SHANK1: variants seen among roughly 807,000 people sequenced by gnomAD.
SHANK1 encodes SH3 and multiple ankyrin repeat domains 1.
Under a neutral mutation model 165.6 loss-of-function variants are expected in SHANK1, and 35 were observed. The observed-to-expected ratio is 0.21, with a 90% CI of 0.16 to 0.28. The LOEUF (loss-of-function observed/expected upper bound fraction) is 0.28, where lower values mean the gene tolerates loss of function less well. Among genes scored for constraint, SHANK1 ranks in the 10% least tolerant of loss-of-function variants. The probability of loss-of-function intolerance (pLI) is 1.00; values close to 1 mark genes in which losing one functional copy is unlikely to be tolerated. For missense variants in SHANK1, 2,681 were observed against 3,036.4 expected, an observed-to-expected ratio of 0.88 and a Z score of 2.75; for synonymous variants, 1,428 against 1,384.8, an observed-to-expected ratio of 1.03 and a Z score of -0.69.
intron 8 of SHANK1, among the ~76,000 whole-genome samples, chr19:50,706,088 G>A (rs953137458): frequency 7.3e-5 from 11 of 151,292 alleles, no homozygotes; most frequent in African/African-American, 2.7e-4. Context: ...GAGCCCAAGA[G>A]GTCGAGGCTG....
At chr19:50,707,757 G>A (rs2088956666) in intron 8 of SHANK1, among the ~76,000 whole-genome samples, 1 of 152,042 alleles carries the variant, frequency 6.6e-6, no homozygotes, top group South Asian at 2.1e-4. Context: ...TCGGGCAGCA[G>A]AGTTAGCCCA....
At chr19:50,674,774 A>T (rs7259859) in intron 21 of SHANK1, among the ~76,000 whole-genome samples, 8,881 of 152,068 alleles carry the variant, frequency 0.058, 855 homozygotes, top group African/African-American at 0.2. Context: ...TAAAAATTAC[A>T]AAAATTGCTG....
In SHANK1 at chr19:50,716,766, C is replaced by G; in HGVS notation, c.154G>C (p.Ala52Pro). Residue 52 changes from alanine to proline, a missense_variant, in exon 2 of 24, where the codon GCC becomes CCC. Around this residue, in one of 10 missense-constraint regions of SHANK1, gnomAD observed 118 missense variants for 106.9 expected, o/e 1.10. Coordinates refer to ENST00000293441, the MANE Select transcript of SHANK1 (RefSeq NM_016148.5). This position sits in a 1 kb window ranked among gnomAD's most constrained non-coding sequence, Gnocchi z 8.4. ...CGGCCCTGGAGGCCTCTAACAGAGG[C>G]CAGGCTACCAGGTGCCCCACTGCCC... ...GQGSGAPGSLASVRGLQGRSM... is the reference protein window; with the variant it reads ...GQGSGAPGSLPSVRGLQGRSM... The G allele has an allele frequency of 6.2e-7, 1 of 1,608,040 alleles. No individual in the cohort carries two copies.
At chr19:50,710,757 G>T (rs1232017730) in intron 8 of SHANK1, among the ~76,000 whole-genome samples, 1 of 152,176 alleles carries the variant, frequency 6.6e-6, no homozygotes, top group African/African-American at 2.4e-5. Flanking sequence ...TCCCTTCAGG[G>T]GCCACGGGGG....
At position 50,666,535 on chromosome 19, in the gene SHANK1, C is replaced by T. The variant is rs1985522893; in HGVS notation, c.5425G>A (p.Ala1809Thr). ...ALRACSGPPT[A>T]GVAGGPVAVE... ...GCCACCGGACCCCCCGCCACGCCTG[C>T]CGTGGGGGGTCCTGAACAAGCACGC... Residue 1809 changes from alanine to threonine, a missense_variant, in exon 23 of 24, where the codon GCA becomes ACA. By Grantham distance (58) the Ala-to-Thr change is moderately conservative (BLOSUM62 0). Coordinates refer to ENST00000293441, the MANE Select transcript of SHANK1 (RefSeq NM_016148.5). 1.1e-5 allele frequency: 17 copies of T among 1,593,636 alleles called. No individual in the cohort carries two copies. Among genetic ancestry groups the T allele is most frequent in the Non-Finnish European group, 1.4e-5 (17 of 1,172,740 alleles).
intron 23 of SHANK1, among the ~76,000 whole-genome samples, chr19:50,664,191 A>G (rs1985391645): frequency 6.7e-6 from 1 of 150,086 alleles, no homozygotes; most frequent in Non-Finnish European, 1.5e-5. Flanking sequence ...CTGAACCCAC[A>G]TTTGAAGGTC....
At chr19:50,682,632 G>C (rs1986213907) in intron 21 of SHANK1, among the ~76,000 whole-genome samples, 2 of 152,180 alleles carry the variant, frequency 1.3e-5, no homozygotes. Flanking sequence ...TAGAGACCCA[G>C]AGAGGGAAAT....
chr19:50,679,608 A>G (rs1986108041), intron 21 of SHANK1, among the ~76,000 whole-genome samples: 1 of 152,200 alleles, frequency 6.6e-6, no homozygotes, highest in Non-Finnish European at 1.5e-5. Context: ...TCCGCCGCCC[A>G]AAGGCCCAGT....
chr19:50,715,192 T>C (rs1000671942), intron 4 of SHANK1, among the ~76,000 whole-genome samples: 22 of 151,258 alleles, frequency 1.5e-4, no homozygotes, highest in African/African-American at 5.3e-4. Context: ...GGAGGACAGA[T>C]ATGGCTGGAA....
At chr19:50,689,829 G>C (rs1409084970) in intron 15 of SHANK1, among the ~76,000 whole-genome samples, 1 of 152,116 alleles carries the variant, frequency 6.6e-6, no homozygotes. Flanking sequence ...GTTAAGTCAA[G>C]AGGACTCATG....
intron 22 of SHANK1, among the ~76,000 whole-genome samples, chr19:50,669,744 G>A (rs2123088420): frequency 6.6e-6 from 1 of 151,364 alleles, no homozygotes; most frequent in South Asian, 2.1e-4. Flanking sequence ...CTTATGATGA[G>A]GCTAAAGTTT....
In SHANK1 at chr19:50,719,732, GGCCGCC is replaced by G. The variant is rs1052286855; in HGVS notation, c.-376_-371del. Reference sequence around the variant, plus strand: ...CTGCTCTTCCTCCTCCTCTTCCTCGGGCCGCCGCCGCCGCCGCCCGCTCCGCGCCTC... The same window carrying G: ...CTGCTCTTCCTCCTCCTCTTCCTCGGGCCGCCGCCGCCCGCTCCGCGCCTC... On this transcript the variant is annotated 5_prime_UTR_variant, in exon 1 of 24. Coordinates refer to ENST00000293441, the MANE Select transcript of SHANK1 (RefSeq NM_016148.5). Among the ~76,000 whole-genome samples, 7 of 149,102 alleles carry G rather than the reference GGCCGCC, an allele frequency of 4.7e-5. No homozygotes were observed. The highest frequency in any genetic ancestry group is 1.2e-4 in the African/African-American group (5 of 40,626).
rs139121113 is a variant in SHANK1 at position 50,669,544 on chromosome 19, C to G, written c.2675-259G>C. On this transcript the variant is annotated intron_variant, in intron 22 of 23. Transcript: ENST00000293441. ...GAAATTCAGCAGAACTTCCTCCCCACGCCAGGAGGGGGCGCCATTTTCTAA... is the reference window on the plus strand; with the variant it reads ...GAAATTCAGCAGAACTTCCTCCCCAGGCCAGGAGGGGGCGCCATTTTCTAA... 5.2e-4 allele frequency among the ~76,000 whole-genome samples: 79 copies of G among 152,224 alleles called. 1 individual carries two copies. In the East Asian group the frequency reaches 0.012, roughly 23 times the overall value.
At chr19:50,699,584 A>T (rs1380961210) in intron 12 of SHANK1, among the ~76,000 whole-genome samples, 1 of 152,166 alleles carries the variant, frequency 6.6e-6, no homozygotes, top group Admixed American at 6.5e-5. Context: ...AGCATGTTTG[A>T]AGAGTTTGGT....
intron 10 of SHANK1, 29 bp downstream of exon 10, chr19:50,704,091 C>G: frequency 6.2e-7 from 1 of 1,611,676 alleles, no homozygotes; most frequent in South Asian, 1.1e-5. Flanking sequence ...CCCAGGTTCT[C>G]TGTGCAGTCC....
chr19:50,661,837 G>A lies in SHANK1; in HGVS notation c.*128C>T. ...CACCTGGTGACCTCTGGCCTTGGGA[G>A]ATGAGGGCAGGGCGCAGTTTGAACA... On this transcript the variant is annotated 3_prime_UTR_variant, in exon 24 of 24. Coordinates refer to ENST00000293441, the MANE Select transcript of SHANK1 (RefSeq NM_016148.5). 1 of 1,066,684 alleles carries A rather than the reference G, an allele frequency of 9.4e-7. No individual in the cohort carries two copies. Among genetic ancestry groups the A allele is most frequent in the Non-Finnish European group, 1.4e-6 (1 of 726,222 alleles). The allele number at this position is 1,066,684 out of a possible 1,614,324, so 66.1% of individuals were successfully genotyped here.
rs926132192 is a variant in SHANK1, at chr19:50,690,756, A to G, written c.1965-1477T>C. 2.6e-5 allele frequency among the ~76,000 whole-genome samples: 4 copies of G among 150,974 alleles called. No individual in the cohort carries two copies. The highest frequency in any genetic ancestry group is 4.9e-5 in the African/African-American group (2 of 40,892). On this transcript the variant is annotated intron_variant, in intron 15 of 23. Coordinates refer to ENST00000293441, the MANE Select transcript of SHANK1 (RefSeq NM_016148.5). The surrounding 1 kb of genome is among the most constrained non-coding windows in gnomAD (Gnocchi z 4.9). ...CACATCCCAGTATGTTCCAATAATA[A>G]CTCCCCCTCACTCGGATCTCAGTGT...
chr19:50,687,659 G>A lies in SHANK1; in HGVS notation c.2312C>T (p.Pro771Leu), dbSNP rs1164748760. The A allele has an allele frequency of 6.7e-7, 1 of 1,491,774 alleles. No individual in the cohort carries two copies. The highest frequency in any genetic ancestry group is 8.9e-7 in the Non-Finnish European group (1 of 1,121,290). 92.4% of individuals were successfully genotyped at this position (1,491,774 alleles called of 1,614,324 possible). A position where few individuals can be genotyped will look rare whatever the true frequency, so the allele number is the denominator to read the frequency against. ...GGGCGGCAGCCGCTTGGCCTGCTGG[G>A]GTGCTGAAAAGGTGATGAGGGGAGG... ...DMDEAVHKKA[P>L]QQAKRLPPPT... The change falls in exon 19 of 24, where the codon CCC becomes CTC. Residue 771 changes from proline to leucine, a missense_variant. Transcript: ENST00000293441.
At position 50,660,098 on chromosome 19, in the gene SHANK1, CCTT is replaced by C. The variant is rs1985137273; in HGVS notation, c.*1864_*1866del. On this transcript the variant is annotated 3_prime_UTR_variant, in exon 24 of 24. Coordinates refer to ENST00000293441, the MANE Select transcript of SHANK1 (RefSeq NM_016148.5). ...GGGCTTGGGGAAGGAGGGGGAGCTC[CCTT>C]CTTTGGCAGCTGAACATGGGGGGGG... is the stretch of plus-strand genomic sequence containing the variant. Among the ~76,000 whole-genome samples the C allele has an allele frequency of 7.1e-6, 1 of 141,536 alleles. No homozygotes were observed. Among genetic ancestry groups the C allele is most frequent in the Admixed American group, 6.8e-5 (1 of 14,784 alleles). 92.9% of individuals were successfully genotyped at this position (141,536 alleles called of 152,430 possible).
Sources: allele counts gnomAD v4.1 joint callset (sites outside exome capture counted in the v4.1 genomes callset), GRCh38; gene constraint gnomAD v4.1.1; regional missense constraint gnomAD v4.1.1; non-coding constraint Gnocchi (gnomAD v3.1); transcripts MANE v1.5; gene names NCBI Gene and HGNC (gene_info 2026-07-23, HGNC 2026-07-21).